Variants in SPAG16 observed in about 807,000 individuals in gnomAD.
SPAG16 encodes the protein sperm associated antigen 16, also known as sperm-associated antigen 16 protein.
SPAG16 carries 86 observed loss-of-function variants against 80.4 expected under a neutral mutation model. The observed-to-expected ratio is 1.07, with a 90% CI of 0.90 to 1.28. SPAG16 has a LOEUF of 1.28. Ranked by LOEUF, SPAG16 falls within the 50% of genes most tolerant of loss-of-function variation. The pLI, the probability that SPAG16 is intolerant of heterozygous loss-of-function variation, is 0.00. For synonymous variants in SPAG16, 294 were observed against 265.9 expected (o/e 1.11, Z -1.03); for missense variants, 870 against 765.3 (o/e 1.14, Z -1.61).
intron 9 of SPAG16, among the ~76,000 whole-genome samples, chr2:213,376,247 G>T (rs561928806): frequency 2.0e-4 from 31 of 151,926 alleles, no homozygotes; most frequent in African/African-American, 7.5e-4. Context: ...TATAAGTATT[G>T]TCTTTCAGGT....
At chr2:214,232,021 A>G (rs1688734378) in intron 15 of SPAG16, among the ~76,000 whole-genome samples, 1 of 151,950 alleles carries the variant, frequency 6.6e-6, no homozygotes. Flanking sequence ...TATGTTTTTA[A>G]AAGTTTAACT....
chr2:213,422,881 C>G (rs1452453776), intron 9 of SPAG16, among the ~76,000 whole-genome samples: 1 of 152,198 alleles, frequency 6.6e-6, no homozygotes, highest in African/African-American at 2.4e-5. Context: ...AGATATAACT[C>G]AACTAACAGC....
chr2:213,985,637 T>A (rs2045963244), intron 12 of SPAG16, among the ~76,000 whole-genome samples: 1 of 152,068 alleles, frequency 6.6e-6, no homozygotes, highest in Non-Finnish European at 1.5e-5. Flanking sequence ...GTGGACAGAA[T>A]TTAGAAGCTG....
At chr2:214,327,832 G>A (rs568892320) in intron 15 of SPAG16, among the ~76,000 whole-genome samples, 1 of 152,132 alleles carries the variant, frequency 6.6e-6, no homozygotes, top group South Asian at 2.1e-4. Context: ...TTCTGAAATT[G>A]ATTTACTCTT....
chr2:213,386,430 C>G (rs73990339), intron 9 of SPAG16, among the ~76,000 whole-genome samples: 12,648 of 152,154 alleles, frequency 0.083, 1,752 homozygotes, highest in African/African-American at 0.29. Flanking sequence ...ATTCTCACTC[C>G]CATCCTTCTA....
rs185357969 is a variant in SPAG16 at position 213,766,617 on chromosome 2, A to G, written c.1071-95868A>G. The stretch of plus-strand genomic sequence containing the variant: ...ACAGCTCAGATATGGGGGTGGTCTC[A>G]GTGTCGAGAAAGCACCAAACAAAAA... On this transcript the variant is annotated intron_variant, in intron 10 of 15. Coordinates refer to ENST00000331683, the MANE Select transcript of SPAG16 (RefSeq NM_024532.5). Among the ~76,000 whole-genome samples the G allele has an allele frequency of 3.2e-3, 493 of 152,302 alleles. 4 individuals are homozygous for G. Among genetic ancestry groups the G allele is most frequent in the African/African-American group, 0.011 (468 of 41,564 alleles).
intron 11 of SPAG16, among the ~76,000 whole-genome samples, chr2:213,899,868 T>G (rs2077146609): frequency 6.6e-6 from 1 of 152,108 alleles, no homozygotes; most frequent in Admixed American, 6.6e-5. Context: ...GAATAATTAT[T>G]TAAAAAATAT....
chr2:214,282,354 A>T (rs1693012592), intron 15 of SPAG16, among the ~76,000 whole-genome samples: 1 of 152,178 alleles, frequency 6.6e-6, no homozygotes, highest in Admixed American at 6.5e-5. Context: ...TCTAATGAGG[A>T]GAAATATTTA....
intron 15 of SPAG16, among the ~76,000 whole-genome samples, chr2:214,327,992 T>G (rs1273670307): frequency 6.6e-6 from 1 of 152,180 alleles, no homozygotes; most frequent in East Asian, 1.9e-4. Flanking sequence ...CAATTAATTC[T>G]GTTTCATCTT....
chr2:213,386,228 A>G (rs114325145), intron 9 of SPAG16, among the ~76,000 whole-genome samples: 2,269 of 152,224 alleles, frequency 0.015, 29 homozygotes, highest in South Asian at 0.038. Context: ...AATTTCTCCT[A>G]GGAGTGGGGC....
In SPAG16 at chr2:214,258,461, A is replaced by G. The variant is rs936616848; in HGVS notation, c.1720+109195A>G. ...GTAGTATCCCACAGTGTGTGTATGT[A>G]TGTGTGTGTGTATATATATATATAT... On this transcript the variant is annotated intron_variant, in intron 15 of 15. Coordinates refer to ENST00000331683, the MANE Select transcript of SPAG16 (RefSeq NM_024532.5). 1.6e-4 allele frequency among the ~76,000 whole-genome samples: 18 copies of G among 109,388 alleles called. No homozygotes were observed. In the South Asian group the frequency reaches 5.6e-3, roughly 34 times the overall value. The allele number at this position is 109,388 out of a possible 152,430, so 71.8% of individuals were successfully genotyped here.
At chr2:213,707,631 C>T (rs558419151) in intron 10 of SPAG16, among the ~76,000 whole-genome samples, 1 of 151,874 alleles carries the variant, frequency 6.6e-6, no homozygotes, top group South Asian at 2.1e-4. Flanking sequence ...TGTCATTCTG[C>T]CTCATTGCCT....
At chr2:213,404,742 C>A (rs2068519105) in intron 9 of SPAG16, among the ~76,000 whole-genome samples, 1 of 151,992 alleles carries the variant, frequency 6.6e-6, no homozygotes, top group Admixed American at 6.6e-5. Context: ...CTTAATTGTC[C>A]AGTTCTCTTT....
intron 3 of SPAG16, among the ~76,000 whole-genome samples, chr2:213,300,052 G>A (rs955830608): frequency 1.4e-4 from 22 of 151,964 alleles, no homozygotes; most frequent in Non-Finnish European, 5.9e-5. Flanking sequence ...CAGCCTCTTT[G>A]GTTATTGATA....
intron 14 of SPAG16, among the ~76,000 whole-genome samples, chr2:214,127,752 C>A (rs1007425687): frequency 2.0e-5 from 3 of 151,878 alleles, no homozygotes; most frequent in East Asian, 1.9e-4. Flanking sequence ...ACCACACACC[C>A]TCACCCGGCA....
chr2:213,515,568 T>A (rs1458898839), intron 10 of SPAG16, among the ~76,000 whole-genome samples: 1 of 152,342 alleles, frequency 6.6e-6, no homozygotes, highest in East Asian at 1.9e-4. Flanking sequence ...ATTCCTTTTT[T>A]TCCATTTCCT....
chr2:214,049,482 AT>A (rs1289082979), intron 13 of SPAG16, among the ~76,000 whole-genome samples: 3 of 151,996 alleles, frequency 2.0e-5, no homozygotes, highest in Non-Finnish European at 4.4e-5. Flanking sequence ...AAGTGAATTA[AT>A]TTTTCTAGTT....
intron 10 of SPAG16, among the ~76,000 whole-genome samples, chr2:213,593,418 G>A (rs2060775613): frequency 6.6e-6 from 1 of 152,038 alleles, no homozygotes; most frequent in Admixed American, 6.6e-5. Flanking sequence ...CATCATCTAT[G>A]TCTCATTTCT....
chr2:214,310,073 A>T (rs1165934729), intron 15 of SPAG16, among the ~76,000 whole-genome samples: 1 of 151,320 alleles, frequency 6.6e-6, no homozygotes, highest in Non-Finnish European at 1.5e-5. Flanking sequence ...AAGTAGTGTG[A>T]TCTTTTGGAG....
Sources: allele counts gnomAD v4.1 joint callset (sites outside exome capture counted in the v4.1 genomes callset), GRCh38; gene constraint gnomAD v4.1.1; transcripts MANE v1.5; gene names NCBI Gene and HGNC (gene_info 2026-07-23, HGNC 2026-07-21).